The following DDX31 variants were observed in gnomAD, a reference collection of about 807,000 sequenced individuals.
The protein encoded by DDX31 is ATP-dependent DNA helicase DDX31.
Under a neutral mutation model 91.3 loss-of-function variants are expected in DDX31, and 70 were observed. The ratio of observed to expected loss-of-function variants is 0.77; its 90% CI spans 0.63 to 0.94. DDX31 has a LOEUF of 0.94. Ranked by LOEUF, DDX31 falls within the 40% of genes least tolerant of loss-of-function variation. The probability of loss-of-function intolerance (pLI) is 0.00; values close to 1 mark genes in which losing one functional copy is unlikely to be tolerated. For synonymous variants in DDX31, 362 were observed against 350.6 expected, an observed-to-expected ratio of 1.03 and a Z score of -0.36; for missense variants, 902 against 925.0, an observed-to-expected ratio of 0.98 and a Z score of 0.32.
At chr9:132,608,459 GA>G (rs945541678) in intron 19 of DDX31, among the ~76,000 whole-genome samples, 28 of 152,060 alleles carry the variant, frequency 1.8e-4, no homozygotes, top group Non-Finnish European at 3.2e-4. Flanking sequence ...TGTAAGAGAC[GA>G]AGGGTCCCTC....
At chr9:132,650,076 T>G (rs1834085819) in intron 9 of DDX31, among the ~76,000 whole-genome samples, 158 bp downstream of exon 9, 1 of 152,118 alleles carries the variant, frequency 6.6e-6, no homozygotes, top group Non-Finnish European at 1.5e-5. Context: ...CGTCTAGAGG[T>G]GACCGCTCCC....
intron 19 of DDX31, among the ~76,000 whole-genome samples, chr9:132,611,486 G>A (rs1275528122): frequency 6.6e-6 from 1 of 152,140 alleles, no homozygotes; most frequent in African/African-American, 2.4e-5. Flanking sequence ...AACAGACTCA[G>A]AGCCCAGCCT....
rs1361632443 is a variant in DDX31, at chr9:132,595,442, A to G, written c.1995-330T>C. The stretch of plus-strand genomic sequence containing the variant: ...GTATGATACAGCGGTTTGCCAAAGG[A>G]CAGGGAAAAACCCACCGTCACACTC... On this transcript the variant is annotated intron_variant, in intron 19 of 19. Transcript: ENST00000372159. This position sits in a 1 kb window ranked among gnomAD's most constrained non-coding sequence, Gnocchi z 4.6. 6.6e-6 allele frequency among the ~76,000 whole-genome samples: 1 copy of G among 152,202 alleles called. No homozygotes were observed. Among genetic ancestry groups the G allele is most frequent in the Admixed American group, 6.5e-5 (1 of 15,286 alleles).
intron 14 of DDX31, among the ~76,000 whole-genome samples, chr9:132,635,768 A>G (rs1052277827): frequency 4.0e-5 from 6 of 151,668 alleles, no homozygotes; most frequent in African/African-American, 1.2e-4. Flanking sequence ...CAACATGGTG[A>G]ACCCCATCTC....
In DDX31 at chr9:132,659,770, G is replaced by C. The variant is rs1278729382; in HGVS notation, c.463C>G (p.Gln155Glu). The C allele has an allele frequency of 4.3e-6, 7 of 1,613,170 alleles. No homozygotes were observed. The highest frequency in any genetic ancestry group is 4.2e-6 in the Non-Finnish European group (5 of 1,179,576). ...KMSSMTSVQK[Q>E]SIPVLLEGRD... Reference sequence around the variant, plus strand: ...CCTTCCAGCAACACAGGAATACTTTGCTTCTGAACACTGGGCCACCCGAAA... The same window carrying C: ...CCTTCCAGCAACACAGGAATACTTTCCTTCTGAACACTGGGCCACCCGAAA... The change falls in exon 5 of 20, where the codon CAA becomes GAA. Residue 155 changes from glutamine (Q) to glutamate (E), a missense_variant. Transcript: ENST00000372159.
At chr9:132,636,706 A>T (rs1421564557) in intron 14 of DDX31, among the ~76,000 whole-genome samples, 5 of 152,046 alleles carry the variant, frequency 3.3e-5, no homozygotes, top group African/African-American at 1.2e-4. Flanking sequence ...TGTTGGGGGA[A>T]CCTCACTGAC....
chr9:132,654,065 G>GA (rs775347818), intron 6 of DDX31, among the ~76,000 whole-genome samples: 3 of 152,030 alleles, frequency 2.0e-5, no homozygotes, highest in Non-Finnish European at 4.4e-5. Context: ...AGTCCTGTGA[G>GA]AAAAAAATAA....
chr9:132,655,796 GCA>G (rs1252478250), intron 6 of DDX31, among the ~76,000 whole-genome samples: 1 of 152,192 alleles, frequency 6.6e-6, no homozygotes, highest in Non-Finnish European at 1.5e-5. Context: ...CCAAAGCTAA[GCA>G]CAGAGTTAAC....
chr9:132,663,480 G>C (rs190786423), intron 1 of DDX31: 1 of 985,396 alleles, frequency 1.0e-6, no homozygotes, highest in East Asian at 1.1e-4. Flanking sequence ...TCCATTACAG[G>C]AATGTGCTTA....
At chr9:132,652,666 C>T (rs1347730995) in intron 6 of DDX31, among the ~76,000 whole-genome samples, 174 bp from the exon 7 acceptor site, 3 of 152,114 alleles carry the variant, frequency 2.0e-5, no homozygotes, top group Non-Finnish European at 4.4e-5. Context: ...CAAATTTCGA[C>T]TTGCATTGTA....
chr9:132,603,408 G>A (rs1056958337), intron 19 of DDX31, among the ~76,000 whole-genome samples: 5 of 152,168 alleles, frequency 3.3e-5, no homozygotes, highest in African/African-American at 7.2e-5. Context: ...GGAGGGGTCC[G>A]GGATACACAC....
At chr9:132,654,879 G>C (rs1834453406) in intron 6 of DDX31, among the ~76,000 whole-genome samples, 1 of 148,914 alleles carries the variant, frequency 6.7e-6, no homozygotes, top group African/African-American at 2.5e-5. Flanking sequence ...CCGGGAGGTG[G>C]AGGTTTCAGT....
At chr9:132,629,022 C>G (rs927408606) in intron 16 of DDX31, among the ~76,000 whole-genome samples, 2 of 152,246 alleles carry the variant, frequency 1.3e-5, no homozygotes, top group African/African-American at 2.4e-5. Context: ...CCCAGGGTTC[C>G]TGGTACACCC....
intron 17 of DDX31, among the ~76,000 whole-genome samples, chr9:132,622,326 AG>A (rs1287371692): frequency 6.7e-6 from 1 of 150,164 alleles, no homozygotes; most frequent in Non-Finnish European, 1.5e-5. Context: ...CTCAAGTCTC[AG>A]GAAGTCCTTG....
intron 15 of DDX31, 128 bp downstream of exon 15, chr9:132,631,913 G>A (rs920153193): frequency 8.9e-6 from 7 of 786,378 alleles, no homozygotes; most frequent in Non-Finnish European, 1.4e-5. Context: ...AGATAAGGCT[G>A]GTTTGCTGCC....
chr9:132,642,029 GA>G lies in DDX31; in HGVS notation c.1414del (p.Ser472ProfsTer16). 1 of 1,614,144 alleles carries G rather than the reference GA, an allele frequency of 6.2e-7. No individual in the cohort carries two copies. Among genetic ancestry groups the G allele is most frequent in the Non-Finnish European group, 8.5e-7 (1 of 1,180,004 alleles). ...RTAVFQEFSHSRRGVLLCTDV... is the reference protein window; with the variant it reads ...RTAVFQEFSHXRRGVLLCTDV... Reference sequence around the variant, plus strand: ...CGTGCAAAGAAGGACGCCTCTTCTGGAATGTGAAAATTCCTGAAACACTGCT... The same window carrying G: ...CGTGCAAAGAAGGACGCCTCTTCTGGATGTGAAAATTCCTGAAACACTGCT... On this transcript the variant is annotated frameshift_variant, in exon 14 of 20. Transcript: ENST00000372159. LOFTEE classifies it high-confidence loss of function.
intron 6 of DDX31, among the ~76,000 whole-genome samples, chr9:132,657,809 A>G (rs1198999115): frequency 6.6e-6 from 1 of 152,176 alleles, no homozygotes; most frequent in African/African-American, 2.4e-5. Flanking sequence ...CACAGCAGTT[A>G]ACTGGCCTCC....
chr9:132,652,481 G>A lies in DDX31; in HGVS notation c.600C>T (p.Gly200=), dbSNP rs1451115096. 1 of 1,614,138 alleles carries A rather than the reference G, an allele frequency of 6.2e-7. No individual in the cohort carries two copies. The highest frequency in any genetic ancestry group is 2.2e-5 in the East Asian group (1 of 44,886). Residue 200 remains glycine (G), a synonymous_variant, in exon 7 of 20, where the codon GGC becomes GGT. Transcript: ENST00000372159. ...TTGGCACGAGCACCAGGGCATAGGG[G>A]CCATCACTGCGCTGTTGACACACAG... ...AMESKIQRSD[G]PYALVLVPTR...
chr9:132,608,697 ATT>A (rs1201372633), intron 19 of DDX31, among the ~76,000 whole-genome samples: 3 of 152,202 alleles, frequency 2.0e-5, no homozygotes, highest in Non-Finnish European at 2.9e-5. Flanking sequence ...TAGTGCCATT[ATT>A]TTATTCACCC....
Sources: allele counts gnomAD v4.1 joint callset (sites outside exome capture counted in the v4.1 genomes callset), GRCh38; gene constraint gnomAD v4.1.1; non-coding constraint Gnocchi (gnomAD v3.1); transcripts MANE v1.5; gene names NCBI Gene and HGNC (gene_info 2026-07-23, HGNC 2026-07-21).